The following PDGFC variants were observed in gnomAD, a reference collection of about 807,000 sequenced individuals.
PDGFC encodes the protein platelet derived growth factor C, also known as platelet-derived growth factor C.
PDGFC carries 12 observed loss-of-function variants against 35.5 expected under a neutral mutation model. The ratio of observed to expected loss-of-function variants is 0.34; its 90% CI spans 0.22 to 0.55. PDGFC has a LOEUF of 0.55. Ranked by LOEUF, PDGFC falls within the 20% of genes least tolerant of loss-of-function variation. The pLI is 0.91. For missense variants in PDGFC, 322 were observed against 412.4 expected (o/e 0.78, Z 1.90); for synonymous variants, 159 against 148.8 (o/e 1.07, Z -0.50).
chr4:156,874,342 G>A (rs1415523444), intron 1 of PDGFC, among the ~76,000 whole-genome samples: 1 of 152,094 alleles, frequency 6.6e-6, no homozygotes, highest in Non-Finnish European at 1.5e-5. Context: ...CATCAGCTCT[G>A]TAATATTTAT....
intron 1 of PDGFC, among the ~76,000 whole-genome samples, chr4:156,920,705 C>T (rs928659855): frequency 4.0e-5 from 6 of 149,874 alleles, no homozygotes; most frequent in Non-Finnish European, 1.5e-5. Context: ...ACACACACTG[C>T]AGTTTGTCCT....
chr4:156,860,322 C>T (rs1729680050), intron 1 of PDGFC, among the ~76,000 whole-genome samples: 1 of 152,260 alleles, frequency 6.6e-6, no homozygotes, highest in South Asian at 2.1e-4. Flanking sequence ...GGCATTTGCA[C>T]TGTTTATGTG....
intron 1 of PDGFC, among the ~76,000 whole-genome samples, chr4:156,908,755 A>T (rs1478108439): frequency 6.6e-6 from 1 of 152,190 alleles, no homozygotes; most frequent in African/African-American, 2.4e-5. Flanking sequence ...TGTGCTTGAA[A>T]TTATAGTTCA....
intron 1 of PDGFC, among the ~76,000 whole-genome samples, chr4:156,901,263 A>G (rs1403603293): frequency 2.0e-5 from 3 of 152,188 alleles, no homozygotes; most frequent in South Asian, 2.1e-4. Context: ...CACGAATTCT[A>G]CAAATGCTCC....
At chr4:156,771,447 T>G (rs1319363120) in intron 4 of PDGFC, among the ~76,000 whole-genome samples, 2 of 152,194 alleles carry the variant, frequency 1.3e-5, no homozygotes, top group African/African-American at 4.8e-5. Flanking sequence ...AGGGAAGTGT[T>G]GCTCGTAAGT....
At chr4:156,898,006 T>C (rs913410715) in intron 1 of PDGFC, among the ~76,000 whole-genome samples, 3 of 152,176 alleles carry the variant, frequency 2.0e-5, no homozygotes, top group African/African-American at 7.2e-5. Context: ...AGAGGCAGAA[T>C]TCTATAGACT....
intron 1 of PDGFC, among the ~76,000 whole-genome samples, chr4:156,903,628 G>T (rs1730846406): frequency 6.6e-6 from 1 of 152,056 alleles, no homozygotes; most frequent in African/African-American, 2.4e-5. Flanking sequence ...AATGAATTCT[G>T]ACTAATGAAA....
intron 2 of PDGFC, among the ~76,000 whole-genome samples, chr4:156,812,342 A>C (rs1207819621): frequency 6.6e-6 from 1 of 152,102 alleles, no homozygotes; most frequent in Non-Finnish European, 1.5e-5. Flanking sequence ...GAAACAGATT[A>C]TTTTAATATA....
At chr4:156,941,836 G>A (rs992511432) in intron 1 of PDGFC, among the ~76,000 whole-genome samples, 4 of 151,928 alleles carry the variant, frequency 2.6e-5, no homozygotes, top group African/African-American at 7.3e-5. Context: ...AAAATAATAA[G>A]GTGATATGGT....
At chr4:156,961,530 T>C (rs1732343632) in intron 1 of PDGFC, among the ~76,000 whole-genome samples, 1 of 152,270 alleles carries the variant, frequency 6.6e-6, no homozygotes, top group African/African-American at 2.4e-5. Flanking sequence ...GGCATCAAGA[T>C]AGTACATCCA....
rs553261884 is a variant in PDGFC, at chr4:156,802,808, T to C, written c.495+8029A>G. 7.9e-5 allele frequency among the ~76,000 whole-genome samples: 12 copies of C among 152,262 alleles called. No homozygotes were observed. The East Asian group carries it at 1.9e-3, about 25-fold the overall frequency. On this transcript the variant is annotated intron_variant, in intron 3 of 5. Transcript: ENST00000502773. Reference sequence around the variant, plus strand: ...CCATCCACAGGCACAGAATGTCCAATCAACTTTTAAGTGGCCAGCTTAAAT... The same window carrying C: ...CCATCCACAGGCACAGAATGTCCAACCAACTTTTAAGTGGCCAGCTTAAAT...
chr4:156,939,717 T>C (rs1315037582), intron 1 of PDGFC, among the ~76,000 whole-genome samples: 1 of 152,108 alleles, frequency 6.6e-6, no homozygotes, highest in East Asian at 1.9e-4. Flanking sequence ...CACCCCCTTC[T>C]AAGAAGTGTT....
intron 2 of PDGFC, among the ~76,000 whole-genome samples, chr4:156,835,062 T>C (rs1447392150): frequency 6.6e-6 from 1 of 152,120 alleles, no homozygotes; most frequent in Admixed American, 6.5e-5. Context: ...TATTACTCAT[T>C]TAGATGAGGT....
intron 3 of PDGFC, among the ~76,000 whole-genome samples, chr4:156,776,665 T>G (rs1464911916): frequency 6.6e-6 from 1 of 152,202 alleles, no homozygotes; most frequent in Non-Finnish European, 1.5e-5. Context: ...TTCTAAGATG[T>G]CAGCTCCATG....
chr4:156,821,009 C>T (rs1316712743), intron 2 of PDGFC, among the ~76,000 whole-genome samples: 1 of 152,070 alleles, frequency 6.6e-6, no homozygotes, highest in African/African-American at 2.4e-5. Context: ...ACAGAAGAAA[C>T]AAACGATCCT....
intron 3 of PDGFC, chr4:156,778,213 C>T: frequency 2.5e-6 from 1 of 395,496 alleles, no homozygotes; most frequent in Non-Finnish European, 5.3e-6. Flanking sequence ...TTGTGAGAAG[C>T]CAAGTATACT....
intron 1 of PDGFC, among the ~76,000 whole-genome samples, chr4:156,886,228 G>T (rs1730372066): frequency 6.6e-6 from 1 of 152,128 alleles, no homozygotes; most frequent in South Asian, 2.1e-4. Context: ...TAAATTATTG[G>T]TGTAATAACA....
chr4:156,894,538 T>G (rs1730585734), intron 1 of PDGFC, among the ~76,000 whole-genome samples: 1 of 152,120 alleles, frequency 6.6e-6, no homozygotes, highest in African/African-American at 2.4e-5. Flanking sequence ...AATTCAGCAA[T>G]AATGCAATTA....
At chr4:156,839,202 A>G (rs1167157907) in intron 2 of PDGFC, among the ~76,000 whole-genome samples, 1 of 152,210 alleles carries the variant, frequency 6.6e-6, no homozygotes, top group Non-Finnish European at 1.5e-5. Context: ...TGGACCCCAG[A>G]CATGTTCCAA....
Sources: allele counts gnomAD v4.1 joint callset (sites outside exome capture counted in the v4.1 genomes callset), GRCh38; gene constraint gnomAD v4.1.1; transcripts MANE v1.5; gene names NCBI Gene and HGNC (gene_info 2026-07-23, HGNC 2026-07-21).